ADAMTS17: variants seen among roughly 807,000 people sequenced by gnomAD.
ADAMTS17 encodes ADAM metallopeptidase with thrombospondin type 1 motif 17.
ADAMTS17 carries 113 observed loss-of-function variants against 141.5 expected under a neutral mutation model. That is an observed-to-expected ratio of 0.80 (90% CI 0.69 to 0.93). The LOEUF is 0.93. Ranked by LOEUF, ADAMTS17 falls within the 40% of genes least tolerant of loss-of-function variation. The pLI is 0.00. For synonymous variants in ADAMTS17, 768 were observed against 630.6 expected (o/e 1.22, Z -3.27); for missense variants, 1,659 against 1,517.9 (o/e 1.09, Z -1.54).
chr15:100,011,833 A>G (rs1241807288), intron 18 of ADAMTS17, among the ~76,000 whole-genome samples: 1 of 152,212 alleles, frequency 6.6e-6, no homozygotes, highest in East Asian at 1.9e-4. Flanking sequence ...AGATTTTGCA[A>G]TTGTGAATTG....
At position 100,132,054 on chromosome 15, in the gene ADAMTS17, T is replaced by C; in HGVS notation, c.1674A>G (p.Thr558=). 6.2e-7 allele frequency: 1 copy of C among 1,613,888 alleles called. No individual in the cohort carries two copies. Among genetic ancestry groups the C allele is most frequent in the Non-Finnish European group, 8.5e-7 (1 of 1,179,766 alleles). ...GCCTGAAGCGGGCTCCCGTCCCACA[T>C]GTTCGGCTGCACATGCTCCAGGCGC... is the stretch of plus-strand genomic sequence containing the variant. ...PWGAWSMCSR[T]CGTGARFRQR... Residue 558 remains threonine, a synonymous_variant, in exon 12 of 22, where the codon ACA becomes ACG. Transcript: ENST00000268070.
At chr15:100,113,196 C>T (rs2036901651) in intron 13 of ADAMTS17, among the ~76,000 whole-genome samples, 1 of 152,150 alleles carries the variant, frequency 6.6e-6, no homozygotes, top group Admixed American at 6.5e-5. Flanking sequence ...CCTGGGAACT[C>T]GGTACTGAAA....
chr15:100,233,577 T>A (rs1482240808), intron 7 of ADAMTS17, among the ~76,000 whole-genome samples: 1 of 152,180 alleles, frequency 6.6e-6, no homozygotes, highest in Non-Finnish European at 1.5e-5. Flanking sequence ...TCATGTGCAG[T>A]CGATGGGAAC....
chr15:100,207,601 G>A (rs776247590), intron 7 of ADAMTS17, among the ~76,000 whole-genome samples: 1 of 152,214 alleles, frequency 6.6e-6, no homozygotes, highest in African/African-American at 2.4e-5. Context: ...AAAGTTGTAG[G>A]AGCATCAGGT....
intron 10 of ADAMTS17, among the ~76,000 whole-genome samples, chr15:100,134,091 T>A (rs1258586965): frequency 6.6e-6 from 1 of 152,178 alleles, no homozygotes; most frequent in Non-Finnish European, 1.5e-5. Context: ...ACAGCCAGTG[T>A]CCTCTCTGAA....
At position 100,105,213 on chromosome 15, in the gene ADAMTS17, C is replaced by T. The variant is rs73476470; in HGVS notation, c.2016+3776G>A. On this transcript the variant is annotated intron_variant, in intron 14 of 21. Coordinates refer to ENST00000268070, the MANE Select transcript of ADAMTS17 (RefSeq NM_139057.4). ...AGCGGGTTACCAGGGTGCAGCCACC[C>T]GGGAGATGGTGCTTTCGAGAATTGG... 7.9e-3 allele frequency among the ~76,000 whole-genome samples: 1,209 copies of T among 152,288 alleles called. 16 individuals carry two copies. Among genetic ancestry groups the T allele is most frequent in the African/African-American group, 0.027 (1,137 of 41,560 alleles).
chr15:100,262,804 A>AAC lies in ADAMTS17; in HGVS notation c.790-370_790-369insGT, dbSNP rs1224498604. 2.3e-4 allele frequency among the ~76,000 whole-genome samples: 35 copies of AAC among 150,298 alleles called. 1 individual carries two copies. Among genetic ancestry groups the AAC allele is most frequent in the African/African-American group, 6.0e-4 (24 of 40,336 alleles). On this transcript the variant is annotated intron_variant, in intron 4 of 21. Coordinates refer to ENST00000268070, the MANE Select transcript of ADAMTS17 (RefSeq NM_139057.4). The stretch of plus-strand genomic sequence containing the variant: ...TACTAAAAAAAAAAAAAAACAAAAA[A>AAC]CCTAAAGAATAATTATGTGAAATTC...
intron 7 of ADAMTS17, among the ~76,000 whole-genome samples, chr15:100,222,574 G>C (rs991532490): frequency 6.6e-6 from 1 of 152,170 alleles, no homozygotes; most frequent in Non-Finnish European, 1.5e-5. Flanking sequence ...TTGGGGCCAG[G>C]TCCTCTGGCC....
At chr15:100,119,688 G>C (rs1437052842) in intron 12 of ADAMTS17, among the ~76,000 whole-genome samples, 4 of 152,244 alleles carry the variant, frequency 2.6e-5, no homozygotes, top group Non-Finnish European at 4.4e-5. Context: ...TGGGTCTGGA[G>C]GCGGAGCACA....
intron 2 of ADAMTS17, among the ~76,000 whole-genome samples, chr15:100,340,725 C>T (rs1442343660): frequency 6.6e-6 from 1 of 152,148 alleles, no homozygotes; most frequent in African/African-American, 2.4e-5. Context: ...TGTCCAGGGC[C>T]CTGACAGTTT....
At chr15:100,079,563 C>A (rs747272460) in intron 15 of ADAMTS17, among the ~76,000 whole-genome samples, 79 of 152,282 alleles carry the variant, frequency 5.2e-4, no homozygotes, top group Non-Finnish European at 9.9e-4. Flanking sequence ...ATGACTGCTA[C>A]CAAGCATGGG....
intron 8 of ADAMTS17, among the ~76,000 whole-genome samples, chr15:100,161,748 A>G (rs555010255): frequency 5.9e-5 from 9 of 152,358 alleles, no homozygotes; most frequent in African/African-American, 2.2e-4. Flanking sequence ...CTACAAGATT[A>G]AATGCCACTA....
intron 7 of ADAMTS17, among the ~76,000 whole-genome samples, chr15:100,241,934 G>A (rs894903716): frequency 1.3e-5 from 2 of 152,170 alleles, no homozygotes; most frequent in Non-Finnish European, 2.9e-5. Flanking sequence ...CTCTGGTAGA[G>A]CAGCCCAAAA....
At chr15:100,058,398 G>A (rs2032825486) in intron 15 of ADAMTS17, among the ~76,000 whole-genome samples, 1 of 151,766 alleles carries the variant, frequency 6.6e-6, no homozygotes, top group South Asian at 2.1e-4. Flanking sequence ...TCCTGAGGAG[G>A]TGACTCTTTC....
chr15:99,977,050 G>C (rs2060348253), intron 20 of ADAMTS17, among the ~76,000 whole-genome samples: 1 of 152,050 alleles, frequency 6.6e-6, no homozygotes, highest in African/African-American at 2.4e-5. Context: ...GCCCAGTCTT[G>C]GGCATGGAGA....
chr15:100,152,711 T>A lies in ADAMTS17; in HGVS notation c.1374A>T (p.Thr458=), dbSNP rs764015465. 1.3e-5 allele frequency: 21 copies of A among 1,614,254 alleles called. No individual in the cohort carries two copies. The highest frequency in any genetic ancestry group is 1.6e-5 in the Non-Finnish European group (19 of 1,180,052). Residue 458 remains threonine (T), a synonymous_variant, in exon 10 of 22, where the codon ACA becomes ACT. Coordinates refer to ENST00000268070, the MANE Select transcript of ADAMTS17 (RefSeq NM_139057.4). ...LLVTDPRSQH[T]VRLPHKLPGM... ...CCGGCAGCTTGTGCGGGAGGCGTAC[T>A]GTGTGCTGGCTTCTGGGGTCCGTGA...
intron 18 of ADAMTS17, among the ~76,000 whole-genome samples, chr15:100,003,189 A>G (rs11636084): frequency 0.51 from 77,276 of 151,938 alleles, 20,316 homozygotes; most frequent in Non-Finnish European, 0.58. Flanking sequence ...ACTCACGACC[A>G]TGGGTCCCAC....
chr15:100,321,975 C>T (rs1201792310), intron 3 of ADAMTS17, among the ~76,000 whole-genome samples: 1 of 152,202 alleles, frequency 6.6e-6, no homozygotes, highest in African/African-American at 2.4e-5. Context: ...CGATGCAAAT[C>T]TCTACCACTA....
intron 15 of ADAMTS17, among the ~76,000 whole-genome samples, chr15:100,067,128 G>A (rs55790653): frequency 0.11 from 16,531 of 149,346 alleles, 847 homozygotes; most frequent in South Asian, 0.21. Context: ...ATCCTTCTAA[G>A]TGTCGTTCCT....
Sources: gnomAD v4.1 joint callset for allele counts (sites outside exome capture counted in the v4.1 genomes callset) on GRCh38, gnomAD v4.1.1 for gene constraint, MANE v1.5 for transcripts, NCBI Gene and HGNC (gene_info 2026-07-23, HGNC 2026-07-21) for gene names.